CHODL: variants seen among roughly 807,000 people sequenced by gnomAD.
CHODL encodes transmembrane protein MT75.
Under a neutral mutation model 34.5 loss-of-function variants are expected in CHODL, and 29 were observed. The ratio of observed to expected loss-of-function variants is 0.84; its 90% CI spans 0.63 to 1.15. The LOEUF (loss-of-function observed/expected upper bound fraction) is 1.15, where lower values mean the gene tolerates loss of function less well. Among genes scored for constraint, CHODL ranks in the 50% most tolerant of loss-of-function variants. CHODL has a pLI of 0.00. For synonymous variants in CHODL, 125 were observed against 116.1 expected, an observed-to-expected ratio of 1.08 and a Z score of -0.49; for missense variants, 332 against 332.5, an observed-to-expected ratio of 1.00 and a Z score of 0.01.
intron 2 of CHODL, among the ~76,000 whole-genome samples, chr21:18,032,785 G>A (rs776429839): frequency 1.3e-5 from 2 of 151,824 alleles, no homozygotes; most frequent in South Asian, 2.1e-4. Context: ...GAATTCCATC[G>A]ACATGTAGTT....
At chr21:18,174,104 T>G (rs1401248041) in intron 2 of CHODL, among the ~76,000 whole-genome samples, 2 of 134,298 alleles carry the variant, frequency 1.5e-5, no homozygotes, top group African/African-American at 5.5e-5. Context: ...ACAGGATATA[T>G]ATATATATAT....
intron 2 of CHODL, among the ~76,000 whole-genome samples, chr21:18,099,583 C>A (rs2065185950): frequency 6.6e-6 from 1 of 151,898 alleles, no homozygotes; most frequent in South Asian, 2.1e-4. Context: ...AAAAAGCCAT[C>A]CAATAAAGAG....
chr21:18,174,581 G>A (rs2073283722), intron 2 of CHODL, among the ~76,000 whole-genome samples: 1 of 152,036 alleles, frequency 6.6e-6, no homozygotes, highest in South Asian at 2.1e-4. Flanking sequence ...GGCTTTTGGA[G>A]ATAACTAATG....
chr21:18,111,202 G>A lies in CHODL; in HGVS notation c.-45+83231G>A, dbSNP rs78046590. Among the ~76,000 whole-genome samples the A allele has an allele frequency of 3.3e-3, 501 of 152,196 alleles. 2 individuals carry two copies. The highest frequency in any genetic ancestry group is 5.8e-3 in the East Asian group (30 of 5,176). ...TCAGAGTGACTAATAATATATTCCCGTTTGTGTAAGGAGACCATCACAACT... is the reference window on the plus strand; with the variant it reads ...TCAGAGTGACTAATAATATATTCCCATTTGTGTAAGGAGACCATCACAACT... On this transcript the variant is annotated intron_variant, in intron 2 of 6. Coordinates refer to the CHODL transcript ENST00000400127.
chr21:18,256,018 G>A (rs1329734202), intron 1 of CHODL, among the ~76,000 whole-genome samples: 1 of 151,558 alleles, frequency 6.6e-6, no homozygotes, highest in Non-Finnish European at 1.5e-5. Context: ...ATTTGTTTCG[G>A]GTATAAAAAA....
chr21:18,046,262 A>T (rs1600933512), intron 2 of CHODL, among the ~76,000 whole-genome samples: 1 of 151,944 alleles, frequency 6.6e-6, no homozygotes, highest in East Asian at 1.9e-4. Context: ...GTTAATGGAT[A>T]TTAAGCTAGA....
chr21:17,943,625 C>T (rs2824571), intron 1 of CHODL, among the ~76,000 whole-genome samples: 38,431 of 152,056 alleles, frequency 0.25, 5,596 homozygotes, highest in East Asian at 0.44. Context: ...TTTCAAAAAC[C>T]GGAACACCTG....
At chr21:18,110,291 G>C (rs953112468) in intron 2 of CHODL, among the ~76,000 whole-genome samples, 33 of 152,146 alleles carry the variant, frequency 2.2e-4, no homozygotes, top group African/African-American at 7.0e-4. Context: ...ATGTAAAGAG[G>C]AATATGTGAA....
At chr21:17,971,416 G>C (rs2063613234) in intron 1 of CHODL, among the ~76,000 whole-genome samples, 1 of 152,030 alleles carries the variant, frequency 6.6e-6, no homozygotes, top group African/African-American at 2.4e-5. Flanking sequence ...ACTTTTTAAT[G>C]ATCGCCATTC....
At chr21:17,985,665 C>A (rs1252460677) in intron 1 of CHODL, among the ~76,000 whole-genome samples, 1 of 152,088 alleles carries the variant, frequency 6.6e-6, no homozygotes, top group African/African-American at 2.4e-5. Flanking sequence ...ATATACTTTC[C>A]ACTTGTCTCC....
At chr21:18,074,535 A>G (rs1039576323) in intron 2 of CHODL, among the ~76,000 whole-genome samples, 3 of 152,150 alleles carry the variant, frequency 2.0e-5, no homozygotes, top group Admixed American at 2.0e-4. Context: ...GGATGGATGC[A>G]TTGTATTTTC....
chr21:17,968,314 T>G (rs1367423105), intron 1 of CHODL, among the ~76,000 whole-genome samples: 1 of 152,196 alleles, frequency 6.6e-6, no homozygotes, highest in Non-Finnish European at 1.5e-5. Flanking sequence ...TAGCATGTCT[T>G]TTTCCGATTA....
At chr21:17,989,256 G>T (rs984060242) in intron 1 of CHODL, among the ~76,000 whole-genome samples, 21 of 152,072 alleles carry the variant, frequency 1.4e-4, no homozygotes, top group African/African-American at 4.3e-4. Flanking sequence ...AATCATCCTG[G>T]CTCTCTTTGA....
At chr21:18,229,252 G>A (rs1343809866) in intron 2 of CHODL, among the ~76,000 whole-genome samples, 6 of 152,122 alleles carry the variant, frequency 3.9e-5, no homozygotes, top group Non-Finnish European at 5.9e-5. Flanking sequence ...ATGAACTTGT[G>A]TATTCGTAAG....
chr21:18,175,312 A>G (rs1466684417), intron 2 of CHODL, among the ~76,000 whole-genome samples: 1 of 152,088 alleles, frequency 6.6e-6, no homozygotes, highest in Non-Finnish European at 1.5e-5. Flanking sequence ...GCCACTGTGT[A>G]CCAGGTAGTG....
At chr21:18,215,242 C>G (rs2073813634) in intron 2 of CHODL, among the ~76,000 whole-genome samples, 2 of 151,640 alleles carry the variant, frequency 1.3e-5, no homozygotes, top group Non-Finnish European at 2.9e-5. Flanking sequence ...GCTTTGGGAA[C>G]TCCTCTTCTT....
chr21:17,935,006 G>A (rs1004427823), intron 1 of CHODL, among the ~76,000 whole-genome samples: 2 of 152,016 alleles, frequency 1.3e-5, no homozygotes, highest in African/African-American at 4.8e-5. Context: ...ATATTTCCTG[G>A]CACCTTTTTA....
At chr21:18,171,675 G>A (rs576809290) in intron 2 of CHODL, among the ~76,000 whole-genome samples, 1 of 151,330 alleles carries the variant, frequency 6.6e-6, no homozygotes, top group South Asian at 2.1e-4. Context: ...GTGGAAAATT[G>A]GACATATTAG....
intron 1 of CHODL, among the ~76,000 whole-genome samples, chr21:18,002,302 G>A (rs1465710605): frequency 6.6e-6 from 1 of 152,148 alleles, no homozygotes; most frequent in Non-Finnish European, 1.5e-5. Context: ...TGCTACTGAA[G>A]CCAGTGTAGA....
Sources: gnomAD v4.1 joint callset for allele counts (sites outside exome capture counted in the v4.1 genomes callset) on GRCh38, gnomAD v4.1.1 for gene constraint, MANE v1.5 for transcripts, NCBI Gene and HGNC (gene_info 2026-07-23, HGNC 2026-07-21) for gene names.